The following SPTBN2 variants were observed in gnomAD, a reference collection of about 807,000 sequenced individuals.
SPTBN2 encodes the protein spectrin beta, non-erythrocytic 2.
A neutral mutation model predicts 284.2 loss-of-function variants in SPTBN2; 107 were observed. The ratio of observed to expected loss-of-function variants is 0.38; its 90% CI spans 0.32 to 0.44. The LOEUF (loss-of-function observed/expected upper bound fraction) is 0.44. Ranked by LOEUF, SPTBN2 falls within the 20% of genes least tolerant of loss-of-function variation. The probability of loss-of-function intolerance (pLI) is 1.00; values close to 1 mark genes in which losing one functional copy is unlikely to be tolerated. For synonymous variants in SPTBN2, 1,289 were observed against 1,354.8 expected (o/e 0.95, Z 1.07); for missense variants, 2,569 against 3,287.1 (o/e 0.78, Z 5.34).
rs1028776107 is a variant in SPTBN2, at chr11:66,710,994, T to C, written c.808A>G (p.Ile270Val). 6.2e-7 allele frequency: 1 copy of C among 1,614,102 alleles called. No individual in the cohort carries two copies. The highest frequency in any genetic ancestry group is 8.5e-7 in the Non-Finnish European group (1 of 1,180,060). Residue 270 changes from isoleucine (I) to valine (V), a missense_variant, in exon 9 of 38, where the codon ATT becomes GTT. Physicochemically the swap from Ile to Val is conservative, Grantham distance 29. Transcript: ENST00000533211. The surrounding 1 kb of genome is among the most constrained non-coding windows in gnomAD (Gnocchi z 4.9). Reference protein sequence around the residue: ...NVDQPDEKSIITYVATYYHYF... With the variant: ...NVDQPDEKSIVTYVATYYHYF... ...TGGTAGTAAGTAGCCACATAGGTAA[T>C]GATTGACTTCTCATCTGGCTGGTCC... is the stretch of plus-strand genomic sequence containing the variant.
Position 66,707,558 on chromosome 11 carries a change from G to A in SPTBN2, c.1611C>T (p.Phe537=). 6.2e-7 allele frequency: 1 copy of A among 1,611,518 alleles called. No homozygotes were observed. Among genetic ancestry groups the A allele is most frequent in the Non-Finnish European group, 8.5e-7 (1 of 1,179,480 alleles). The change falls in exon 13 of 38, where the codon TTC becomes TTT. Residue 537 remains phenylalanine, a synonymous_variant. Transcript: ENST00000533211. The surrounding 1 kb of genome is among the most constrained non-coding windows in gnomAD (Gnocchi z 4.9). The stretch of plus-strand genomic sequence containing the variant: ...AGTCCATGAGGTAGAGCAGGTCCTG[G>A]AACACCTTCTGCAGCTCCAGGTTGA... ...LLLNLELQKV[F]QDLLYLMDWM... is the part of the protein sequence containing the mutation.
At position 66,714,083 on chromosome 11, in the gene SPTBN2, C is replaced by T; in HGVS notation, c.656+8G>A. On this transcript the variant is annotated splice_region_variant and intron_variant, in intron 7 of 37. Transcript: ENST00000533211. ...GCTCTGCTGCGTTTGCTAACCCCAT[C>T]TTCTCACCGGTGTTTATGCACGATG... The T allele has an allele frequency of 1.9e-6, 3 of 1,614,234 alleles. No homozygotes were observed. Among genetic ancestry groups the T allele is most frequent in the Admixed American group, 1.7e-5 (1 of 60,032 alleles).
chr11:66,720,710 AAAG>A (rs1219480375), intron 3 of SPTBN2, among the ~76,000 whole-genome samples: 1 of 152,178 alleles, frequency 6.6e-6, no homozygotes, highest in Non-Finnish European at 1.5e-5. Context: ...AGTGGAAATC[AAAG>A]AAGACACAAC....
chr11:66,709,890 G>A (rs1416501010), intron 10 of SPTBN2, among the ~76,000 whole-genome samples: 1 of 152,118 alleles, frequency 6.6e-6, no homozygotes, highest in East Asian at 1.9e-4. Context: ...CAATTCTCAC[G>A]TTACCAGCCA....
Position 66,691,136 on chromosome 11 carries a change from G to T in SPTBN2, c.5565+148C>A. On this transcript the variant is annotated intron_variant, in intron 27 of 37. Transcript: ENST00000533211. This position sits in a 1 kb window ranked among gnomAD's most constrained non-coding sequence, Gnocchi z 8.0. ...CTGGCCAAACAGAGATGTTTTCTTG[G>T]AGCAATTTCCTCATCTCGAAATGGC... The T allele has an allele frequency of 4.8e-6, 6 of 1,242,820 alleles. No homozygotes were observed. Among genetic ancestry groups the T allele is most frequent in the Non-Finnish European group, 5.4e-6 (5 of 922,970 alleles). The allele number at this position is 1,242,820 out of a possible 1,614,324, so 77.0% of individuals were successfully genotyped here.
chr11:66,708,372 A>C lies in SPTBN2; in HGVS notation c.1192-73T>G, dbSNP rs1941680709. On this transcript the variant is annotated intron_variant, in intron 11 of 37. Transcript: ENST00000533211. This position sits in a 1 kb window ranked among gnomAD's most constrained non-coding sequence, Gnocchi z 4.4. Reference sequence around the variant, plus strand: ...TCAGTGGGGCTGGAGGCACATGGTAAGTCCCATGGAAGCTCGGTCTGGTGG... The same window carrying C: ...TCAGTGGGGCTGGAGGCACATGGTACGTCCCATGGAAGCTCGGTCTGGTGG... 7.7e-6 allele frequency: 11 copies of C among 1,426,118 alleles called. No homozygotes were observed. The highest frequency in any genetic ancestry group is 1.0e-5 in the Non-Finnish European group (11 of 1,068,376). The allele number at this position is 1,426,118 out of a possible 1,614,324, so 88.3% of individuals were successfully genotyped here. A position where few individuals can be genotyped will look rare whatever the true frequency, so the allele number is the denominator to read the frequency against.
In SPTBN2 at chr11:66,704,976, A is replaced by C; in HGVS notation, c.2300T>G (p.Leu767Arg). 2 of 1,608,002 alleles carry C rather than the reference A, an allele frequency of 1.2e-6. No individual in the cohort carries two copies. Among genetic ancestry groups the C allele is most frequent in the East Asian group, 2.2e-5 (1 of 44,880 alleles). ...CAGCTCGGGGCTGGACACCAGGCGC[A>C]GTGCGTCAACCAACCAGGCCTCCAT... The part of the protein sequence containing the change: ...NDMEAWLVDA[L>R]RLVSSPELGH... Residue 767 changes from leucine to arginine, a missense_variant, in exon 15 of 38, where the codon CTG becomes CGG. Leu to Arg is a moderately radical substitution (Grantham distance 102). Transcript: ENST00000533211.
chr11:66,720,953 A>G (rs1489202481), intron 3 of SPTBN2, 131 bp downstream of exon 3: 2 of 1,232,162 alleles, frequency 1.6e-6, no homozygotes, highest in African/African-American at 3.0e-5. Context: ...GGACCAGGGA[A>G]TTGATAGAGT....
intron 30 of SPTBN2, 101 bp from the exon 31 acceptor site, chr11:66,688,950 A>C (rs1940344031): frequency 1.3e-6 from 2 of 1,511,956 alleles, no homozygotes; most frequent in Middle Eastern, 1.7e-4. Context: ...AGAGAAAGCC[A>C]CTGCCCCAGA....
intron 15 of SPTBN2, among the ~76,000 whole-genome samples, chr11:66,703,325 T>C (rs1341528708): frequency 1.3e-5 from 2 of 152,188 alleles, no homozygotes; most frequent in East Asian, 3.9e-4. Context: ...CAAGTGATAC[T>C]CCTGCCTTGG....
intron 3 of SPTBN2, 89 bp from the exon 4 acceptor site, chr11:66,716,070 GC>G (rs1262263076): frequency 6.3e-7 from 1 of 1,576,538 alleles, no homozygotes; most frequent in Non-Finnish European, 8.7e-7. Context: ...GGATGGAGAA[GC>G]CTGAGAGATG....
At chr11:66,727,154 C>T (rs1942646509) in intron 1 of SPTBN2, among the ~76,000 whole-genome samples, 1 of 152,242 alleles carries the variant, frequency 6.6e-6, no homozygotes, top group African/African-American at 2.4e-5. Context: ...AGAATGTAAA[C>T]TCCATCCTAT....
rs776725175 is a variant in SPTBN2 at position 66,692,714 on chromosome 11, T to C, written c.5012A>G (p.Gln1671Arg). 1.8e-5 allele frequency: 29 copies of C among 1,602,984 alleles called. No homozygotes were observed. The highest frequency in any genetic ancestry group is 2.5e-5 in the Non-Finnish European group (29 of 1,179,938). The change falls in exon 26 of 38, where the codon CAG becomes CGG. Residue 1671 changes from glutamine to arginine, a missense_variant. Gln to Arg is a conservative substitution (Grantham distance 43). Transcript: ENST00000533211. ...CAGGCCGGCATACAGCTTGTCCACC[T>C]GGGCTTGGCGGATGGATATCCGAGT... ...ESTRISIRQA[Q>R]VDKLYAGLKE...
In SPTBN2 at chr11:66,744,660, C is replaced by CG. The variant is rs1942945357; in HGVS notation, c.-594dup. 1.0e-5 allele frequency: 5 copies of CG among 481,796 alleles called. No individual in the cohort carries two copies. In the East Asian group the frequency reaches 4.1e-4, roughly 40 times the overall value. 29.8% of individuals were successfully genotyped at this position (481,796 alleles called of 1,614,324 possible). Reference sequence around the variant, plus strand: ...GGCTCCCGGCGGCGGTTCGCGGTCTCGGGGCCCTGCAGCGTCGAGTGCGCA... The same window carrying CG: ...GGCTCCCGGCGGCGGTTCGCGGTCTCGGGGGCCCTGCAGCGTCGAGTGCGCA... On this transcript the variant is annotated 5_prime_UTR_variant, in exon 1 of 38. Coordinates refer to the SPTBN2 transcript ENST00000611817.
intron 1 of SPTBN2, among the ~76,000 whole-genome samples, chr11:66,739,637 G>A (rs1233248142): frequency 6.6e-6 from 1 of 152,210 alleles, no homozygotes; most frequent in Non-Finnish European, 1.5e-5. Context: ...TTACAGTGCT[G>A]TTTGCATTCC....
upstream of SPTBN2, among the ~76,000 whole-genome samples, chr11:66,732,277 C>T (rs2135603950): frequency 6.6e-6 from 1 of 152,172 alleles, no homozygotes; most frequent in South Asian, 2.1e-4. Context: ...CCAATCTGAC[C>T]CTTGAACCCA....
chr11:66,704,500 G>T lies in SPTBN2; in HGVS notation c.2678+98C>A, dbSNP rs1387230964. ...TGGACAACCATTAAGACTCAAAGGG[G>T]TGAGGCAGGAAGTTTATGGAGGGAC... On this transcript the variant is annotated intron_variant, in intron 15 of 37. Transcript: ENST00000533211. 7.2e-6 allele frequency: 10 copies of T among 1,380,692 alleles called. No individual in the cohort carries two copies. The African/African-American group carries it at 8.7e-5, about 12-fold the overall frequency. 85.5% of individuals were successfully genotyped at this position (1,380,692 alleles called of 1,614,324 possible). A position where few individuals can be genotyped will look rare whatever the true frequency, so the allele number is the denominator to read the frequency against.
chr11:66,719,224 C>T (rs1048942860), intron 3 of SPTBN2, among the ~76,000 whole-genome samples: 5 of 152,230 alleles, frequency 3.3e-5, no homozygotes, highest in Admixed American at 2.0e-4. Flanking sequence ...ATCTGTGAAA[C>T]GAGGGCTGTT....
intron 15 of SPTBN2, among the ~76,000 whole-genome samples, chr11:66,702,677 G>A (rs956762797): frequency 2.0e-5 from 3 of 151,444 alleles, no homozygotes; most frequent in East Asian, 2.0e-4. Flanking sequence ...GGTGGCTCAC[G>A]CCTGTAATCC....
Sources: gnomAD v4.1 joint callset for allele counts (sites outside exome capture counted in the v4.1 genomes callset) on GRCh38, gnomAD v4.1.1 for gene constraint, Gnocchi (gnomAD v3.1) non-coding constraint, MANE v1.5 for transcripts, NCBI Gene and HGNC (gene_info 2026-07-23, HGNC 2026-07-21) for gene names.